Variants in ARHGAP15 observed in about 807,000 individuals in gnomAD.
ARHGAP15 encodes Rho GTPase activating protein 15, also known as rho GTPase-activating protein 15.
ARHGAP15 carries 51 observed loss-of-function variants against 63.7 expected under a neutral mutation model. The ratio of observed to expected loss-of-function variants is 0.80; its 90% CI spans 0.64 to 1.01. The LOEUF is 1.01. ARHGAP15 is among the 50% of genes least tolerant of loss of function. The pLI is 0.00. For missense variants in ARHGAP15, 560 were observed against 564.6 expected, an observed-to-expected ratio of 0.99 and a Z score of 0.08; for synonymous variants, 191 against 193.8, an observed-to-expected ratio of 0.99 and a Z score of 0.12.
chr2:143,609,310 C>A (rs1284116439), intron 11 of ARHGAP15, among the ~76,000 whole-genome samples: 1 of 152,090 alleles, frequency 6.6e-6, no homozygotes, highest in Non-Finnish European at 1.5e-5. Context: ...GTACATCAAC[C>A]TTTTAAATGG....
chr2:143,480,604 T>G (rs1490914224), intron 8 of ARHGAP15: 1 of 152,208 alleles, frequency 6.6e-6, no homozygotes, highest in Non-Finnish European at 1.5e-5. Context: ...AGCAAGTCAC[T>G]TAAAGTTTCA....
intron 3 of ARHGAP15, among the ~76,000 whole-genome samples, chr2:143,213,482 C>T (rs1451152121): frequency 6.6e-6 from 1 of 152,084 alleles, no homozygotes; most frequent in Non-Finnish European, 1.5e-5. Flanking sequence ...CATTGCACTC[C>T]AGCCCACGCA....
intron 6 of ARHGAP15, among the ~76,000 whole-genome samples, chr2:143,308,664 G>A (rs1176196119): frequency 1.3e-5 from 2 of 152,040 alleles, no homozygotes; most frequent in Non-Finnish European, 2.9e-5. Context: ...GCTGGGGAAT[G>A]TGATAACTGT....
chr2:143,245,827 C>T (rs1694027898), intron 5 of ARHGAP15, among the ~76,000 whole-genome samples: 1 of 152,104 alleles, frequency 6.6e-6, no homozygotes, highest in Admixed American at 6.5e-5. Context: ...GCAGGACATG[C>T]CTTGTGAGTC....
At chr2:143,348,977 T>G (rs1004279893) in intron 6 of ARHGAP15, among the ~76,000 whole-genome samples, 1 of 152,150 alleles carries the variant, frequency 6.6e-6, no homozygotes, top group Non-Finnish European at 1.5e-5. Flanking sequence ...TTTAAAAATC[T>G]GTAACTGTTC....
chr2:143,529,790 G>A (rs953025258), intron 10 of ARHGAP15, among the ~76,000 whole-genome samples: 17 of 151,868 alleles, frequency 1.1e-4, no homozygotes, highest in African/African-American at 3.9e-4. Context: ...TAACCATCCC[G>A]CCATGATCTC....
chr2:143,190,584 T>G (rs967827899), intron 2 of ARHGAP15, among the ~76,000 whole-genome samples: 1 of 152,126 alleles, frequency 6.6e-6, no homozygotes, highest in Admixed American at 6.5e-5. Context: ...CTCTAGAAGC[T>G]TCCTTGTTTA....
At chr2:143,624,069 T>A in intron 11 of ARHGAP15, 64 bp from the exon 12 acceptor site, 2 of 1,573,244 alleles carry the variant, frequency 1.3e-6, no homozygotes, top group Non-Finnish European at 8.7e-7. Context: ...ATTAACATAA[T>A]AATTAGTGTC....
intron 3 of ARHGAP15, 143 bp downstream of exon 3, chr2:143,202,345 T>A (rs1416540358): frequency 3.0e-6 from 2 of 666,852 alleles, no homozygotes; most frequent in Non-Finnish European, 5.3e-6. Flanking sequence ...GGGATCTAGC[T>A]TGGAGTCTCT....
intron 6 of ARHGAP15, among the ~76,000 whole-genome samples, chr2:143,326,115 C>T (rs1210278868): frequency 6.6e-6 from 1 of 152,118 alleles, no homozygotes; most frequent in African/African-American, 2.4e-5. Context: ...ATATCAAATA[C>T]AATAAGGCAA....
chr2:143,284,165 G>C (rs1286461134), intron 6 of ARHGAP15, among the ~76,000 whole-genome samples: 2 of 152,154 alleles, frequency 1.3e-5, no homozygotes, highest in Non-Finnish European at 2.9e-5. Flanking sequence ...TTTGGGCCAA[G>C]GCACAAGAAT....
At chr2:143,319,854 C>A (rs574297171) in intron 6 of ARHGAP15, among the ~76,000 whole-genome samples, 1 of 152,084 alleles carries the variant, frequency 6.6e-6, no homozygotes, top group East Asian at 1.9e-4. Flanking sequence ...TGGAGCATTT[C>A]AAAGAAGAGG....
At chr2:143,327,501 A>G (rs1451999758) in intron 6 of ARHGAP15, among the ~76,000 whole-genome samples, 3 of 152,206 alleles carry the variant, frequency 2.0e-5, no homozygotes, top group Non-Finnish European at 4.4e-5. Context: ...AAACTATACT[A>G]CAAGGCTACA....
chr2:143,666,022 C>T (rs951768451), intron 12 of ARHGAP15, among the ~76,000 whole-genome samples: 8 of 150,854 alleles, frequency 5.3e-5, no homozygotes, highest in Admixed American at 3.3e-4. Flanking sequence ...CAATGCCAAC[C>T]CCATCAAGCT....
chr2:143,652,312 G>A (rs1681209906), intron 12 of ARHGAP15, among the ~76,000 whole-genome samples: 1 of 151,996 alleles, frequency 6.6e-6, no homozygotes, highest in Non-Finnish European at 1.5e-5. Flanking sequence ...ACAGCCATAG[G>A]CAATATGATA....
At chr2:143,145,204 T>C (rs192448591) in intron 1 of ARHGAP15, among the ~76,000 whole-genome samples, 150 of 152,196 alleles carry the variant, frequency 9.9e-4, no homozygotes, top group Admixed American at 2.6e-3. Flanking sequence ...CAATCTTTAA[T>C]TCTAGTGGAA....
chr2:143,676,546 A>C (rs1452153524), intron 12 of ARHGAP15: 1 of 152,132 alleles, frequency 6.6e-6, no homozygotes, highest in African/African-American at 2.4e-5. Context: ...CATTGGCCTA[A>C]TTTTAATATT....
In ARHGAP15 at chr2:143,617,702, C is replaced by T. The variant is rs138218466; in HGVS notation, c.1004-6431C>T. On this transcript the variant is annotated intron_variant, in intron 11 of 13. Coordinates refer to ENST00000295095, the MANE Select transcript of ARHGAP15 (RefSeq NM_018460.4). Reference sequence around the variant, plus strand: ...AACACAATTCAGCACATAACAGGCACGATGCATATTTTTGGGTGATATATT... The same window carrying T: ...AACACAATTCAGCACATAACAGGCATGATGCATATTTTTGGGTGATATATT... Among the ~76,000 whole-genome samples the T allele has an allele frequency of 5.7e-3, 873 of 152,246 alleles. 10 individuals are homozygous for T. The highest frequency in any genetic ancestry group is 0.02 in the African/African-American group (849 of 41,546).
At chr2:143,479,168 T>C (rs1397056393) in intron 8 of ARHGAP15, among the ~76,000 whole-genome samples, 2 of 152,218 alleles carry the variant, frequency 1.3e-5, no homozygotes, top group Non-Finnish European at 2.9e-5. Flanking sequence ...TAATGATGGT[T>C]CAGAATCTGA....
Sources: gnomAD v4.1 joint callset for allele counts (sites outside exome capture counted in the v4.1 genomes callset) on GRCh38, gnomAD v4.1.1 for gene constraint, MANE v1.5 for transcripts, NCBI Gene and HGNC (gene_info 2026-07-23, HGNC 2026-07-21) for gene names.